The following ENDOU variants were observed in gnomAD, a reference collection of about 807,000 sequenced individuals.
ENDOU encodes endonuclease, poly(U) specific, also known as uridylate-specific endoribonuclease.
A neutral mutation model predicts 54.2 loss-of-function variants in ENDOU; 49 were observed. The ratio of observed to expected loss-of-function variants is 0.90; its 90% confidence interval spans 0.72 to 1.15. The LOEUF is 1.15. Among genes scored for constraint, ENDOU ranks in the 50% most tolerant of loss-of-function variants. ENDOU has a pLI of 0.00. For missense variants in ENDOU, 458 were observed against 511.4 expected (o/e 0.90, Z 1.01); for synonymous variants, 172 against 190.5 (o/e 0.90, Z 0.80).
Position 47,716,376 on chromosome 12 carries a change from G to T in ENDOU, c.675C>A (p.Ala225=). Reference sequence around the variant, plus strand: ...TCTCTCTGAGGAAGGCGTCCTGCTCGGCCAGCTCCTGGGCACTGAAGTGCT... The same window carrying T: ...TCTCTCTGAGGAAGGCGTCCTGCTCTGCCAGCTCCTGGGCACTGAAGTGCT... ...HGEHFSAQEL[A]EQDAFLREIM... is the part of the protein sequence containing the mutation. The change falls in exon 6 of 10, where the codon GCC becomes GCA. Residue 225 remains alanine (A), a synonymous_variant. Coordinates refer to ENST00000422538, the MANE Select transcript of ENDOU (RefSeq NM_001172439.2). 2 of 1,614,088 alleles carry T rather than the reference G, an allele frequency of 1.2e-6. No homozygotes were observed. Among genetic ancestry groups the T allele is most frequent in the Middle Eastern group, 3.3e-4 (2 of 6,028 alleles).
chr12:47,713,568 C>G (rs998131896), intron 6 of ENDOU, among the ~76,000 whole-genome samples, 180 bp from the exon 7 acceptor site: 1 of 152,150 alleles, frequency 6.6e-6, no homozygotes, highest in Non-Finnish European at 1.5e-5. Context: ...GTGCCAAATC[C>G]AGATCTAAAG....
Position 47,712,896 on chromosome 12 carries a change from G to A in ENDOU, c.866-274C>T, listed in dbSNP as rs572614102. 2.0e-5 allele frequency among the ~76,000 whole-genome samples: 3 copies of A among 152,232 alleles called. No individual in the cohort carries two copies. In the East Asian group the frequency reaches 5.8e-4, roughly 29 times the overall value. On this transcript the variant is annotated intron_variant, in intron 7 of 9. Transcript: ENST00000422538. ...CTCCAGCAGCAAGCCAGGCTTGGTG[G>A]GAGTTTTATGGGGTAGAATAGGGGG...
chr12:47,723,171 G>A (rs184105163), intron 1 of ENDOU, among the ~76,000 whole-genome samples: 9 of 152,314 alleles, frequency 5.9e-5, no homozygotes, highest in South Asian at 2.1e-4. Context: ...CACCCCCGCC[G>A]GCCCAAGCTG....
intron 4 of ENDOU, 76 bp from the exon 5 acceptor site, chr12:47,717,134 C>A: frequency 7.5e-7 from 1 of 1,325,932 alleles, no homozygotes. Context: ...CTGTGTACCT[C>A]CCCTCCTGGG....
chr12:47,723,952 G>A (rs1940511309), intron 1 of ENDOU, among the ~76,000 whole-genome samples: 1 of 152,170 alleles, frequency 6.6e-6, no homozygotes, highest in Non-Finnish European at 1.5e-5. Context: ...CTGAGATGTT[G>A]GGATAGTATC....
chr12:47,721,491 G>T lies in ENDOU; in HGVS notation c.56-616C>A, dbSNP rs1940431950. On this transcript the variant is annotated intron_variant, in intron 1 of 9. Transcript: ENST00000422538. ...TTATTCCATCCCTGTTATGTTATTT[G>T]CTTCTTTGCTCTTGTCTCCCCTTCT... Among the ~76,000 whole-genome samples, 3 of 152,016 alleles carry T rather than the reference G, an allele frequency of 2.0e-5. No homozygotes were observed. The South Asian group carries it at 6.2e-4, about 32-fold the overall frequency.
At position 47,718,179 on chromosome 12, in the gene ENDOU, G is replaced by A; in HGVS notation, c.194C>T (p.Ser65Leu). 1 of 1,582,080 alleles carries A rather than the reference G, an allele frequency of 6.3e-7. No individual in the cohort carries two copies. The highest frequency in any genetic ancestry group is 8.6e-7 in the Non-Finnish European group (1 of 1,162,292). Residue 65 changes from serine to leucine, a missense_variant, in exon 3 of 10, where the codon TCA becomes TTA. By Grantham distance (145) the Ser-to-Leu change is moderately radical. Transcript: ENST00000422538. ...EHLCTEDHKESEPLPQLEEET... is the reference protein window; with the variant it reads ...EHLCTEDHKELEPLPQLEEET... ...TTCCTCCAGCTGTGGCAATGGCTCTGACTCTTTGTGGTCCTCTGCAGGTAG... is the reference window on the plus strand; with the variant it reads ...TTCCTCCAGCTGTGGCAATGGCTCTAACTCTTTGTGGTCCTCTGCAGGTAG...
chr12:47,720,341 C>G (rs746886261), intron 2 of ENDOU: 63 of 162,104 alleles, frequency 3.9e-4, no homozygotes, highest in Admixed American at 7.5e-4. Context: ...ACTGTGACAC[C>G]ATGCAGTCTT....
rs574948625 is a variant in ENDOU at position 47,716,240 on chromosome 12, G to A, written c.751+60C>T. 2.6e-5 allele frequency: 41 copies of A among 1,556,176 alleles called. No individual in the cohort carries two copies. The East Asian group carries it at 2.9e-4, about 11-fold the overall frequency. On this transcript the variant is annotated intron_variant, in intron 6 of 9. Coordinates refer to ENST00000422538, the MANE Select transcript of ENDOU (RefSeq NM_001172439.2). Reference sequence around the variant, plus strand: ...TGCCCTCCTAACCTTCCCCTCCCCCGCCCACCTGGCTTCGCTCAGACAGAC... The same window carrying A: ...TGCCCTCCTAACCTTCCCCTCCCCCACCCACCTGGCTTCGCTCAGACAGAC...
At chr12:47,713,751 G>GGT (rs1940128148) in intron 6 of ENDOU, among the ~76,000 whole-genome samples, 2 of 140,684 alleles carry the variant, frequency 1.4e-5, no homozygotes, top group Non-Finnish European at 3.1e-5. Context: ...GGGGGGGGGG[G>GGT]GTCTTCTAGA....
chr12:47,718,612 A>G (rs1940338390), intron 2 of ENDOU, among the ~76,000 whole-genome samples: 1 of 152,162 alleles, frequency 6.6e-6, no homozygotes, highest in South Asian at 2.1e-4. Flanking sequence ...GCCTCAAGGA[A>G]TAAGAGCTGT....
intron 2 of ENDOU, chr12:47,719,332 T>C (rs1196469772): frequency 6.6e-6 from 1 of 152,208 alleles, no homozygotes; most frequent in Non-Finnish European, 1.5e-5. Flanking sequence ...TTCCGGCTGA[T>C]CTCGGCCTGG....
chr12:47,722,348 G>A (rs1424418630), intron 1 of ENDOU, among the ~76,000 whole-genome samples: 3 of 152,126 alleles, frequency 2.0e-5, no homozygotes, highest in African/African-American at 7.2e-5. Context: ...CTGGAATTCT[G>A]GTTCTACTGC....
chr12:47,714,081 T>G (rs1940140338), intron 6 of ENDOU, among the ~76,000 whole-genome samples: 1 of 152,242 alleles, frequency 6.6e-6, no homozygotes, highest in African/African-American at 2.4e-5. Flanking sequence ...TTGCTTTCTG[T>G]CCACCTAGTG....
intron 6 of ENDOU, 102 bp downstream of exon 6, chr12:47,716,198 C>CCCA: frequency 8.9e-7 from 1 of 1,126,744 alleles, no homozygotes; most frequent in Non-Finnish European, 1.3e-6. Flanking sequence ...CCACAGAGTC[C>CCCA]CCACCGCCTC....
intron 6 of ENDOU, among the ~76,000 whole-genome samples, chr12:47,713,740 C>CCG (rs71439412): frequency 9.3e-6 from 1 of 107,650 alleles, no homozygotes; most frequent in African/African-American, 4.6e-5. Flanking sequence ...CATAAGTTGG[C>CCG]GGGGGGGGGG....
chr12:47,724,236 C>T (rs1373453197), intron 1 of ENDOU, among the ~76,000 whole-genome samples: 1 of 152,222 alleles, frequency 6.6e-6, no homozygotes, highest in African/African-American at 2.4e-5. Flanking sequence ...AGGGCTGAGG[C>T]TGGTGGCTCC....
At chr12:47,721,238 A>G (rs1940423357) in intron 1 of ENDOU, among the ~76,000 whole-genome samples, 1 of 152,226 alleles carries the variant, frequency 6.6e-6, no homozygotes, top group Admixed American at 6.5e-5. Context: ...GCTGATGCTC[A>G]GCTCTAGCCG....
At chr12:47,718,059 G>T in intron 3 of ENDOU, 70 bp downstream of exon 3, 1 of 1,347,554 alleles carries the variant, frequency 7.4e-7, no homozygotes. Flanking sequence ...TGCCATGGCC[G>T]CCCCTGCTTG....
Sources: allele counts gnomAD v4.1 joint callset (sites outside exome capture counted in the v4.1 genomes callset), GRCh38; gene constraint gnomAD v4.1.1; transcripts MANE v1.5; gene names NCBI Gene and HGNC (gene_info 2026-07-23, HGNC 2026-07-21).